ITSN1: variants seen among roughly 807,000 people sequenced by gnomAD.
The protein encoded by ITSN1 is intersectin 1, also known as intersectin-1.
In ITSN1, 58 loss-of-function variants were observed where a neutral mutation model predicts 239.8. That is an observed-to-expected ratio of 0.24 (90% confidence interval 0.20 to 0.30). The LOEUF is 0.30. Ranked by LOEUF, ITSN1 falls within the 10% of genes least tolerant of loss-of-function variation. ITSN1 has a pLI of 1.00. For missense variants in ITSN1, 1,558 were observed against 2,103.3 expected (o/e 0.74, Z 5.07); for synonymous variants, 780 against 770.8 (o/e 1.01, Z -0.20).
At chr21:33,779,207 A>T in intron 14 of ITSN1, among the ~76,000 whole-genome samples, 1 of 142,310 alleles carries the variant, frequency 7.0e-6, no homozygotes. Flanking sequence ...TGTTTCTTCC[A>T]TTTACTTATT....
chr21:33,707,334 C>G (rs952251339), intron 1 of ITSN1, among the ~76,000 whole-genome samples: 4 of 151,916 alleles, frequency 2.6e-5, no homozygotes, highest in African/African-American at 9.7e-5. Context: ...CTATGTTGCC[C>G]AGGCTAGTCT....
At chr21:33,802,077 A>T (rs1259273077) in intron 19 of ITSN1, among the ~76,000 whole-genome samples, 1 of 150,440 alleles carries the variant, frequency 6.6e-6, no homozygotes, top group Non-Finnish European at 1.5e-5. Flanking sequence ...CCTCATTACA[A>T]TTTTTTTTTT....
At chr21:33,725,361 C>T (rs992824323) in intron 4 of ITSN1, among the ~76,000 whole-genome samples, 1 of 151,748 alleles carries the variant, frequency 6.6e-6, no homozygotes, top group African/African-American at 2.4e-5. Flanking sequence ...GTCTCAAACT[C>T]CTGACCTTGT....
chr21:33,879,443 T>C (rs536527080), intron 34 of ITSN1, among the ~76,000 whole-genome samples: 153 of 152,336 alleles, frequency 1.0e-3, no homozygotes, highest in Middle Eastern at 3.4e-3. Flanking sequence ...AGAGGAATGA[T>C]GGGCCACAGG....
At chr21:33,673,392 A>T (rs575587145) in intron 1 of ITSN1, among the ~76,000 whole-genome samples, 1 of 152,310 alleles carries the variant, frequency 6.6e-6, no homozygotes. Flanking sequence ...CTCTTAACAC[A>T]CACACGTAGC....
At chr21:33,669,749 A>T (rs1444692991) in intron 1 of ITSN1, among the ~76,000 whole-genome samples, 17 of 152,014 alleles carry the variant, frequency 1.1e-4, no homozygotes, top group Admixed American at 1.1e-3. Flanking sequence ...CCCTCATTTA[A>T]GTTTTAATAT....
chr21:33,829,319 A>G (rs1030117017), intron 26 of ITSN1: 2 of 367,984 alleles, frequency 5.4e-6, no homozygotes, highest in African/African-American at 4.2e-5. Flanking sequence ...GGTGTGACAG[A>G]AGGTGCCAGG....
chr21:33,724,831 T>C (rs1160999041), intron 4 of ITSN1, among the ~76,000 whole-genome samples: 1 of 152,158 alleles, frequency 6.6e-6, no homozygotes, highest in Non-Finnish European at 1.5e-5. Context: ...TTTCTTCTGT[T>C]TTTTGTAAAG....
chr21:33,846,618 C>T (rs2074998802), intron 29 of ITSN1, among the ~76,000 whole-genome samples: 2 of 152,238 alleles, frequency 1.3e-5, no homozygotes, highest in African/African-American at 4.8e-5. Context: ...TGGCGCCTCA[C>T]TCTTGCCAGT....
Position 33,710,148 on chromosome 21 carries a change from G to A in ITSN1, c.-32-8649G>A, listed in dbSNP as rs1305499108. Among the ~76,000 whole-genome samples, 4 of 148,360 alleles carry A rather than the reference G, an allele frequency of 2.7e-5. No individual in the cohort carries two copies. In the South Asian group the frequency reaches 6.4e-4, roughly 24 times the overall value. On this transcript the variant is annotated intron_variant, in intron 1 of 39. Coordinates refer to ENST00000381318, the MANE Select transcript of ITSN1 (RefSeq NM_003024.3). ...GGCTGGAGTGCAGTGGCATGATCTC[G>A]GCTCACTGCAAGCTCTGCCTCCCGG...
chr21:33,706,983 A>G (rs2092273102), intron 1 of ITSN1, among the ~76,000 whole-genome samples: 1 of 152,192 alleles, frequency 6.6e-6, no homozygotes. Context: ...TCGGCCTCCC[A>G]AAGTGCTGGG....
chr21:33,822,710 G>A (rs1202096309), intron 24 of ITSN1, among the ~76,000 whole-genome samples: 1 of 152,122 alleles, frequency 6.6e-6, no homozygotes, highest in Non-Finnish European at 1.5e-5. Context: ...TATCCTTTAA[G>A]ACTAAATTAC....
At chr21:33,824,425 C>A (rs937850861) in intron 25 of ITSN1, among the ~76,000 whole-genome samples, 2 of 151,852 alleles carry the variant, frequency 1.3e-5, no homozygotes, top group African/African-American at 4.9e-5. Flanking sequence ...TTTAAAAAAA[C>A]CAACAAGAAT....
At chr21:33,836,737 A>G (rs1354785614) in intron 29 of ITSN1, 105 bp downstream of exon 29, 1 of 963,862 alleles carries the variant, frequency 1.0e-6, no homozygotes, top group African/African-American at 1.6e-5. Flanking sequence ...ACTTAAAGCT[A>G]GACCATTGCT....
intron 1 of ITSN1, among the ~76,000 whole-genome samples, chr21:33,650,766 C>T (rs796678366): frequency 3.2e-4 from 49 of 152,278 alleles, no homozygotes; most frequent in African/African-American, 1.1e-3. Context: ...AAATGAGTGC[C>T]ATTCTTGGTA....
At chr21:33,694,494 A>G (rs925249001) in intron 1 of ITSN1, among the ~76,000 whole-genome samples, 32 of 152,188 alleles carry the variant, frequency 2.1e-4, no homozygotes, top group Non-Finnish European at 2.9e-4. Flanking sequence ...TTATTGGGTA[A>G]AATGGAAAGA....
intron 1 of ITSN1, among the ~76,000 whole-genome samples, chr21:33,696,620 C>T (rs1462638263): frequency 6.6e-6 from 1 of 152,110 alleles, no homozygotes; most frequent in Non-Finnish European, 1.5e-5. Context: ...CTTTTACTAC[C>T]GTCTTTCAGC....
intron 11 of ITSN1, among the ~76,000 whole-genome samples, chr21:33,771,616 G>T (rs1356697775): frequency 6.6e-6 from 1 of 152,212 alleles, no homozygotes; most frequent in Non-Finnish European, 1.5e-5. Context: ...TTGTTCTTCA[G>T]TGTGAAAAGC....
In ITSN1 at chr21:33,865,885, T is replaced by C. The variant is rs886256960; in HGVS notation, c.4074+551T>C. The stretch of plus-strand genomic sequence containing the variant: ...GAGTTGGGAGTCCACCAGGGGATGT[T>C]TGGGGAGGTAATGCGGATACTGCTG... On this transcript the variant is annotated intron_variant, in intron 32 of 39. Transcript: ENST00000381318. This position sits in a 1 kb window ranked among gnomAD's most constrained non-coding sequence, Gnocchi z 4.4. 6.6e-6 allele frequency among the ~76,000 whole-genome samples: 1 copy of C among 152,040 alleles called. No individual in the cohort carries two copies. The highest frequency in any genetic ancestry group is 2.4e-5 in the African/African-American group (1 of 41,396).
Sources: gnomAD v4.1 joint callset for allele counts (sites outside exome capture counted in the v4.1 genomes callset) on GRCh38, gnomAD v4.1.1 for gene constraint, Gnocchi (gnomAD v3.1) non-coding constraint, MANE v1.5 for transcripts, NCBI Gene and HGNC (gene_info 2026-07-23, HGNC 2026-07-21) for gene names.